Variants in PCYT1A observed in about 807,000 individuals in gnomAD.
The protein encoded by PCYT1A is choline-phosphate cytidylyltransferase A.
In PCYT1A, 25 loss-of-function variants were observed where a neutral mutation model predicts 43.7. The ratio of observed to expected loss-of-function variants is 0.57; its 90% CI spans 0.42 to 0.80. The LOEUF (loss-of-function observed/expected upper bound fraction) is 0.80. PCYT1A is among the 30% of genes least tolerant of loss of function. The pLI, the probability that PCYT1A is intolerant of heterozygous loss-of-function variation, is 0.00. For missense variants in PCYT1A, 421 were observed against 474.2 expected (o/e 0.89, Z 1.04); for synonymous variants, 172 against 170.7 (o/e 1.01, Z -0.06).
chr3:196,248,345 G>A (rs750725010), intron 3 of PCYT1A, 22 bp from the exon 4 acceptor site: 2 of 1,362,568 alleles, frequency 1.5e-6, no homozygotes, highest in East Asian at 4.6e-5. Context: ...TGAAAGAATT[G>A]ATCACAAAAA....
At chr3:196,280,622 T>A (rs2047551) in intron 1 of PCYT1A, among the ~76,000 whole-genome samples, 4 of 141,924 alleles carry the variant, frequency 2.8e-5, no homozygotes, top group Non-Finnish European at 6.1e-5. Flanking sequence ...TGGCTGAATC[T>A]GCGGATGTGG....
rs116467114 is a variant in PCYT1A, at chr3:196,241,075, C to T, written c.708+873G>A. Among the ~76,000 whole-genome samples the T allele has an allele frequency of 4.9e-3, 695 of 142,308 alleles. 6 individuals carry two copies. The highest frequency in any genetic ancestry group is 0.017 in the African/African-American group (659 of 38,664). 93.4% of individuals were successfully genotyped at this position (142,308 alleles called of 152,430 possible). ...TTGCGAGGCCAAGGGGGTCCGATCG[C>T]TTGAGGCCAGGAGTTTGAGACCAGC... On this transcript the variant is annotated intron_variant, in intron 7 of 8. Coordinates refer to ENST00000431016, the MANE Select transcript of PCYT1A (RefSeq NM_001312673.2).
chr3:196,262,785 TC>T (rs1402572071), intron 2 of PCYT1A, among the ~76,000 whole-genome samples: 3 of 116,998 alleles, frequency 2.6e-5, no homozygotes. Flanking sequence ...TTCTAAGGAT[TC>T]TTTTTTTTTT....
At chr3:196,262,020 G>A (rs1045503028) in intron 2 of PCYT1A, among the ~76,000 whole-genome samples, 3 of 152,148 alleles carry the variant, frequency 2.0e-5, no homozygotes, top group African/African-American at 7.2e-5. Context: ...GCTAGAAAAG[G>A]TAGTATTTTT....
chr3:196,279,928 G>T (rs1252317440), intron 1 of PCYT1A, among the ~76,000 whole-genome samples: 1 of 148,340 alleles, frequency 6.7e-6, no homozygotes, highest in Non-Finnish European at 1.5e-5. Context: ...TCCACCTCCC[G>T]GGTTCAAGCA....
At chr3:196,284,354 G>A (rs982929824) in intron 1 of PCYT1A, among the ~76,000 whole-genome samples, 6 of 152,126 alleles carry the variant, frequency 3.9e-5, no homozygotes, top group Non-Finnish European at 8.8e-5. Flanking sequence ...AGACAGCTCT[G>A]AATTATAAAT....
At chr3:196,275,607 T>G (rs1003779339) in intron 1 of PCYT1A, among the ~76,000 whole-genome samples, 10 of 151,670 alleles carry the variant, frequency 6.6e-5, no homozygotes, top group Non-Finnish European at 1.5e-4. Flanking sequence ...GTGGCGCATA[T>G]CTGTAATCCC....
intron 2 of PCYT1A, among the ~76,000 whole-genome samples, chr3:196,260,581 G>A (rs182127630): frequency 3.7e-4 from 56 of 152,276 alleles, no homozygotes; most frequent in African/African-American, 1.3e-3. Context: ...GGTAACTCAC[G>A]CCTGTAATCC....
intron 2 of PCYT1A, among the ~76,000 whole-genome samples, chr3:196,264,153 C>T (rs552387455): frequency 1.1e-3 from 169 of 152,302 alleles, no homozygotes; most frequent in African/African-American, 4.0e-3. Flanking sequence ...ATCTACACAA[C>T]GTACCTAAGA....
chr3:196,240,437 C>T (rs1437319171), intron 7 of PCYT1A, among the ~76,000 whole-genome samples: 2 of 152,190 alleles, frequency 1.3e-5, no homozygotes, highest in African/African-American at 4.8e-5. Flanking sequence ...GTAATACCAG[C>T]ACTTTGGGAA....
At chr3:196,278,281 G>C (rs1343525687) in intron 1 of PCYT1A, among the ~76,000 whole-genome samples, 1 of 152,184 alleles carries the variant, frequency 6.6e-6, no homozygotes, top group Non-Finnish European at 1.5e-5. Context: ...CAACAATGAG[G>C]AACAATATTT....
At chr3:196,284,831 C>G (rs1725861055) in intron 1 of PCYT1A, among the ~76,000 whole-genome samples, 1 of 152,200 alleles carries the variant, frequency 6.6e-6, no homozygotes, top group African/African-American at 2.4e-5. Flanking sequence ...TGCTGAATCC[C>G]AAGCCTCTTC....
At chr3:196,278,908 G>C (rs1725670191) in intron 1 of PCYT1A, among the ~76,000 whole-genome samples, 1 of 148,360 alleles carries the variant, frequency 6.7e-6, no homozygotes. Flanking sequence ...TTGAACCCAG[G>C]ATGCAGAGGT....
At chr3:196,248,038 TC>T in intron 4 of PCYT1A, 168 bp downstream of exon 4, 1 of 624,074 alleles carries the variant, frequency 1.6e-6, no homozygotes, top group Middle Eastern at 4.4e-4. Flanking sequence ...GAAGCTCCTC[TC>T]TCCAGGTTTA....
chr3:196,238,782 G>A lies in PCYT1A; in HGVS notation c.1010C>T (p.Pro337Leu), dbSNP rs148500335. ...ERSPSPSFRW[P>L]FSGKTSPPCS... ...AGGTGGGGAAGTCTTGCCGGAGAAG[G>A]GCCATCGGAAAGAGGGGGAGGGGGA... Residue 337 changes from proline to leucine, a missense_variant, in exon 9 of 9, where the codon CCC becomes CTC. By Grantham distance (98) the Pro-to-Leu change is moderately conservative. Coordinates refer to ENST00000431016, the MANE Select transcript of PCYT1A (RefSeq NM_001312673.2). 903 of 1,588,962 alleles carry A rather than the reference G, an allele frequency of 5.7e-4. 2 individuals carry two copies. The highest frequency in any genetic ancestry group is 6.9e-4 in the Non-Finnish European group (810 of 1,168,588).
At chr3:196,285,754 CCTTT>C (rs1466757797) in intron 1 of PCYT1A, among the ~76,000 whole-genome samples, 1 of 152,122 alleles carries the variant, frequency 6.6e-6, no homozygotes, top group Admixed American at 6.5e-5. Context: ...ATTTTGTCCC[CCTTT>C]CTTTCTCATC....
Position 196,277,896 on chromosome 3 carries a change from C to G in PCYT1A, c.-10-7355G>C, listed in dbSNP as rs901622937. On this transcript the variant is annotated intron_variant, in intron 1 of 8. Coordinates refer to ENST00000431016, the MANE Select transcript of PCYT1A (RefSeq NM_001312673.2). The surrounding 1 kb of genome is among the most constrained non-coding windows in gnomAD (Gnocchi z 4.1). The stretch of plus-strand genomic sequence containing the variant: ...TCAAAATAATAATAACAATAATAAA[C>G]TTTTACTCTGTAGGTCTCACAAGTT... 1.3e-5 allele frequency among the ~76,000 whole-genome samples: 2 copies of G among 152,132 alleles called. No individual in the cohort carries two copies. The highest frequency in any genetic ancestry group is 1.3e-4 in the Admixed American group (2 of 15,256).
chr3:196,243,959 G>A (rs1445761893), intron 5 of PCYT1A, among the ~76,000 whole-genome samples: 218 of 152,250 alleles, frequency 1.4e-3, no homozygotes, highest in African/African-American at 5.0e-3. Flanking sequence ...CCGCCACCCC[G>A]TCTGGGAAGT....
At chr3:196,256,835 C>G (rs1262120559) in intron 3 of PCYT1A, among the ~76,000 whole-genome samples, 2 of 152,140 alleles carry the variant, frequency 1.3e-5, no homozygotes, top group Non-Finnish European at 2.9e-5. Context: ...AGCCACCACT[C>G]CTGGCCCACT....
Sources: allele counts gnomAD v4.1 joint callset (sites outside exome capture counted in the v4.1 genomes callset), GRCh38; gene constraint gnomAD v4.1.1; non-coding constraint Gnocchi (gnomAD v3.1); transcripts MANE v1.5; gene names NCBI Gene and HGNC (gene_info 2026-07-23, HGNC 2026-07-21).